Variants in DNAJC13 observed in about 807,000 individuals in gnomAD.
DNAJC13 encodes dnaJ homolog subfamily C member 13.
In DNAJC13, 75 loss-of-function variants were observed where a neutral mutation model predicts 290.5. The ratio of observed to expected loss-of-function variants is 0.26; its 90% CI spans 0.21 to 0.31. The LOEUF (loss-of-function observed/expected upper bound fraction) is 0.31. Ranked by LOEUF, DNAJC13 falls within the 10% of genes least tolerant of loss-of-function variation. The pLI, the probability that DNAJC13 is intolerant of heterozygous loss-of-function variation, is 1.00. For missense variants in DNAJC13, 2,260 were observed against 2,674.5 expected (o/e 0.85, Z 3.42); for synonymous variants, 862 against 892.0 (o/e 0.97, Z 0.60).
chr3:132,450,800 G>A lies in DNAJC13; in HGVS notation c.490G>A (p.Asp164Asn). ...TATTGAAGGATTTGTAGATCTCTCAGATTATCAAGGAGGATTTTGTATACT... is the reference window on the plus strand; with the variant it reads ...TATTGAAGGATTTGTAGATCTCTCAAATTATCAAGGAGGATTTTGTATACT... Reference protein sequence around the residue: ...RNIEGFVDLSDYQGGFCILYG... With the variant: ...RNIEGFVDLSNYQGGFCILYG... The change falls in exon 6 of 56, where the codon GAT becomes AAT. Residue 164 changes from aspartate to asparagine, a missense_variant. Transcript: ENST00000260818. 1 of 1,602,680 alleles carries A rather than the reference G, an allele frequency of 6.2e-7. No homozygotes were observed. The highest frequency in any genetic ancestry group is 1.7e-5 in the Admixed American group (1 of 59,770).
chr3:132,453,953 C>A (rs1933503637), intron 8 of DNAJC13, 113 bp from the exon 9 acceptor site: 5 of 878,780 alleles, frequency 5.7e-6, no homozygotes, highest in East Asian at 2.7e-5. Flanking sequence ...ATATTGTAAA[C>A]AAGTCACATC....
intron 50 of DNAJC13, 128 bp from the exon 51 acceptor site, chr3:132,523,412 C>A: frequency 1.6e-6 from 2 of 1,259,606 alleles, no homozygotes; most frequent in Non-Finnish European, 2.2e-6. Flanking sequence ...AAAAATAAAA[C>A]TCATAATTTG....
chr3:132,422,279 C>T (rs1938983126), intron 1 of DNAJC13, among the ~76,000 whole-genome samples: 1 of 152,108 alleles, frequency 6.6e-6, no homozygotes, highest in African/African-American at 2.4e-5. Flanking sequence ...TCAAGCAATC[C>T]TCCCACCTCA....
chr3:132,527,562 C>T (rs1290392500), intron 53 of DNAJC13, among the ~76,000 whole-genome samples: 1 of 152,166 alleles, frequency 6.6e-6, no homozygotes, highest in East Asian at 1.9e-4. Flanking sequence ...TGATATTTAA[C>T]CTTAAAATGC....
rs996181443 is a variant in DNAJC13 at position 132,503,981 on chromosome 3, A to T, written c.4884+600A>T. 2.7e-5 allele frequency among the ~76,000 whole-genome samples: 4 copies of T among 149,376 alleles called. No homozygotes were observed. The Admixed American group carries it at 2.7e-4, about 10-fold the overall frequency. ...AGGTTACTATTATCCTTTAATTATA[A>T]AAAAAAAAAGAGTACTAAAAGACAT... On this transcript the variant is annotated intron_variant, in intron 41 of 55. Coordinates refer to ENST00000260818, the MANE Select transcript of DNAJC13 (RefSeq NM_015268.4).
At position 132,450,740 on chromosome 3, in the gene DNAJC13, A is replaced by G. The variant is rs1205338961; in HGVS notation, c.430A>G (p.Thr144Ala). The G allele has an allele frequency of 6.2e-7, 1 of 1,612,688 alleles. No individual in the cohort carries two copies. Among genetic ancestry groups the G allele is most frequent in the Non-Finnish European group, 8.5e-7 (1 of 1,179,008 alleles). The change falls in exon 6 of 56, where the codon ACC becomes GCC. Residue 144 changes from threonine (T) to alanine (A), a missense_variant. Coordinates refer to ENST00000260818, the MANE Select transcript of DNAJC13 (RefSeq NM_015268.4). ...PGGFDQINPA[T>A]NRVLCSYDYR... ...AGGCTTTGACCAAATTAATCCTGCA[A>G]CCAACAGAGTACTCTGTTCCTATGA...
chr3:132,508,848 T>C (rs1258531875), intron 43 of DNAJC13, among the ~76,000 whole-genome samples: 3 of 152,244 alleles, frequency 2.0e-5, no homozygotes, highest in Non-Finnish European at 4.4e-5. Flanking sequence ...CACGTCTGTT[T>C]ATGGCATGTT....
At chr3:132,478,647 G>T (rs1290838301) in intron 24 of DNAJC13, among the ~76,000 whole-genome samples, 1 of 152,178 alleles carries the variant, frequency 6.6e-6, no homozygotes, top group African/African-American at 2.4e-5. Flanking sequence ...GCATGTACCT[G>T]GTGGTTCACC....
At chr3:132,459,860 T>C (rs1933732661) in intron 13 of DNAJC13, among the ~76,000 whole-genome samples, 1 of 152,196 alleles carries the variant, frequency 6.6e-6, no homozygotes, top group Non-Finnish European at 1.5e-5. Flanking sequence ...CGCTGGAATG[T>C]TTTATACACT....
rs375495588 is a variant in DNAJC13, at chr3:132,430,720, ATC to A, written c.-13-3807_-13-3806del. Among the ~76,000 whole-genome samples, 422 of 152,236 alleles carry A rather than the reference ATC, an allele frequency of 2.8e-3. 2 individuals are homozygous for A. Among genetic ancestry groups the A allele is most frequent in the African/African-American group, 9.8e-3 (407 of 41,536 alleles). On this transcript the variant is annotated intron_variant, in intron 1 of 55. Transcript: ENST00000260818. ...GGGAAAAATATCCGTACACCTATAT[ATC>A]TCTCTCTCTCCCTTTTTTGGTGAGT... is the stretch of plus-strand genomic sequence containing the variant.
chr3:132,511,823 T>G (rs918416280), intron 44 of DNAJC13, among the ~76,000 whole-genome samples: 2 of 152,120 alleles, frequency 1.3e-5, no homozygotes, highest in Admixed American at 1.3e-4. Context: ...ATAATAAATA[T>G]AGAACATAAA....
chr3:132,431,143 A>G (rs969811352), intron 1 of DNAJC13, among the ~76,000 whole-genome samples: 2 of 152,216 alleles, frequency 1.3e-5, no homozygotes, highest in African/African-American at 2.4e-5. Flanking sequence ...AGAATTGCCC[A>G]TGTATTTGCT....
chr3:132,446,640 T>A, intron 3 of DNAJC13, 90 bp downstream of exon 3: 1 of 762,258 alleles, frequency 1.3e-6, no homozygotes, highest in South Asian at 1.9e-5. Flanking sequence ...CTTAAATCAG[T>A]ACTTGAAGAT....
rs1407880603 is a variant in DNAJC13 at position 132,492,517 on chromosome 3, A to G, written c.3727A>G (p.Asn1243Asp). The G allele has an allele frequency of 3.7e-6, 6 of 1,613,884 alleles. No homozygotes were observed. The highest frequency in any genetic ancestry group is 5.1e-6 in the Non-Finnish European group (6 of 1,179,842). ...TCAGTATTGCCCCATTCCTATAATC[A>G]ACTATCCACAACTCGAAAATGAACT... ...LYQYCPIPII[N>D]YPQLENELFC... is the part of the protein sequence containing the mutation. Residue 1243 changes from asparagine to aspartate, a missense_variant, in exon 33 of 56, where the codon AAC becomes GAC. Coordinates refer to ENST00000260818, the MANE Select transcript of DNAJC13 (RefSeq NM_015268.4).
intron 8 of DNAJC13, 61 bp downstream of exon 8, chr3:132,453,755 TTC>T: frequency 7.1e-7 from 1 of 1,411,942 alleles, no homozygotes; most frequent in East Asian, 2.3e-5. Flanking sequence ...TAGGATAATT[TTC>T]TTTCTATTTT....
At position 132,538,434 on chromosome 3, in the gene DNAJC13, A is replaced by G. The variant is rs1325799529; in HGVS notation, c.*152A>G. On this transcript the variant is annotated 3_prime_UTR_variant, in exon 56 of 56. Transcript: ENST00000260818. ...AAATATATTTTTAGGAAAAAAAGTC[A>G]GTGATCCTAATTGTATCACATTATA... 4 of 600,720 alleles carry G rather than the reference A, an allele frequency of 6.7e-6. No homozygotes were observed. The highest frequency in any genetic ancestry group is 1.1e-5 in the Non-Finnish European group (4 of 355,242). 37.2% of individuals were successfully genotyped at this position (600,720 alleles called of 1,614,324 possible). A position where few individuals can be genotyped will look rare whatever the true frequency, so the allele number is the denominator to read the frequency against.
intron 38 of DNAJC13, 54 bp downstream of exon 38, chr3:132,499,862 CT>C: frequency 1.3e-6 from 2 of 1,486,884 alleles, no homozygotes; most frequent in Non-Finnish European, 1.9e-6. Flanking sequence ...ATGGTTCAGA[CT>C]TTAACATATC....
In DNAJC13 at chr3:132,421,962, T is replaced by C. The variant is rs541745615; in HGVS notation, c.-14+4202T>C. ...TAAAACAATTAGAGTCTGGGATTCA[T>C]TCATTATAAATAGGTTTTTGCCTAC... On this transcript the variant is annotated intron_variant, in intron 1 of 55. Transcript: ENST00000260818. Among the ~76,000 whole-genome samples, 7 of 152,286 alleles carry C rather than the reference T, an allele frequency of 4.6e-5. No individual in the cohort carries two copies. In the East Asian group the frequency reaches 1.4e-3, roughly 29 times the overall value.
chr3:132,443,494 A>G (rs1030146273), intron 2 of DNAJC13, among the ~76,000 whole-genome samples: 8 of 152,204 alleles, frequency 5.3e-5, no homozygotes, highest in African/African-American at 1.7e-4. Context: ...CTAATATTCT[A>G]TACATGCGAG....
Sources: gnomAD v4.1 joint callset for allele counts (sites outside exome capture counted in the v4.1 genomes callset) on GRCh38, gnomAD v4.1.1 for gene constraint, MANE v1.5 for transcripts, NCBI Gene and HGNC (gene_info 2026-07-23, HGNC 2026-07-21) for gene names.